Variants in LRRC8C observed in about 807,000 individuals in gnomAD.
LRRC8C encodes the protein volume-regulated anion channel subunit LRRC8C.
LRRC8C carries 20 observed loss-of-function variants against 55.3 expected under a neutral mutation model. The ratio of observed to expected loss-of-function variants is 0.36; its 90% CI spans 0.25 to 0.53. The LOEUF (loss-of-function observed/expected upper bound fraction) is 0.53. Among genes scored for constraint, LRRC8C ranks in the 20% least tolerant of loss-of-function variants. The probability of loss-of-function intolerance (pLI) is 0.92; values close to 1 mark genes in which losing one functional copy is unlikely to be tolerated. For synonymous variants in LRRC8C, 376 were observed against 360.7 expected, an observed-to-expected ratio of 1.04 and a Z score of -0.48; for missense variants, 659 against 951.4, an observed-to-expected ratio of 0.69 and a Z score of 4.04.
At chr1:89,691,743 C>T (rs1047150156) in intron 2 of LRRC8C, among the ~76,000 whole-genome samples, 6 of 152,078 alleles carry the variant, frequency 3.9e-5, no homozygotes, top group African/African-American at 1.4e-4. Context: ...GTCTGTCACC[C>T]CTGTGCACAC....
intron 1 of LRRC8C, among the ~76,000 whole-genome samples, chr1:89,656,148 T>C (rs1003116425): frequency 2.0e-5 from 3 of 152,224 alleles, no homozygotes; most frequent in African/African-American, 4.8e-5. Flanking sequence ...TCCTGAAGAT[T>C]GTATAACTCA....
intron 1 of LRRC8C, among the ~76,000 whole-genome samples, chr1:89,658,764 C>T (rs12091667): frequency 1.3e-5 from 2 of 152,100 alleles, no homozygotes; most frequent in Non-Finnish European, 2.9e-5. Context: ...AGGCACATTT[C>T]TGACAGGGAA....
At chr1:89,662,378 T>G (rs562814146) in intron 1 of LRRC8C, among the ~76,000 whole-genome samples, 1 of 152,130 alleles carries the variant, frequency 6.6e-6, no homozygotes, top group Admixed American at 6.5e-5. Flanking sequence ...TTTAGGACTT[T>G]TGTAAAGATT....
intron 1 of LRRC8C, among the ~76,000 whole-genome samples, chr1:89,664,505 G>T (rs997844350): frequency 6.6e-6 from 1 of 152,020 alleles, no homozygotes; most frequent in South Asian, 2.1e-4. Context: ...GTCTATATTT[G>T]TGTTTTGGTA....
chr1:89,680,425 T>G (rs1181126914), intron 1 of LRRC8C, among the ~76,000 whole-genome samples: 3 of 151,922 alleles, frequency 2.0e-5, no homozygotes, highest in Non-Finnish European at 4.4e-5. Context: ...AGAAGTAAAG[T>G]TATGTGGAAT....
At chr1:89,695,363 C>G (rs1658146077) in intron 2 of LRRC8C, among the ~76,000 whole-genome samples, 1 of 152,206 alleles carries the variant, frequency 6.6e-6, no homozygotes, top group Non-Finnish European at 1.5e-5. Context: ...CATCTCCCTA[C>G]TCAAGTTATT....
chr1:89,649,942 T>C (rs1015216909), intron 1 of LRRC8C, among the ~76,000 whole-genome samples: 3 of 152,218 alleles, frequency 2.0e-5, no homozygotes, highest in Non-Finnish European at 4.4e-5. Context: ...GACAAACTTT[T>C]GTGACCCCTT....
intron 1 of LRRC8C, chr1:89,668,034 GA>G (rs1156332821): frequency 1.3e-5 from 2 of 152,548 alleles, no homozygotes; most frequent in East Asian, 3.8e-4. Flanking sequence ...TCAGGGAAAG[GA>G]AATGATAAAT....
chr1:89,684,900 A>G (rs1371713261), intron 1 of LRRC8C, among the ~76,000 whole-genome samples: 1 of 152,168 alleles, frequency 6.6e-6, no homozygotes, highest in Admixed American at 6.5e-5. Context: ...ATAGATGTCA[A>G]GTAGGTAGGT....
intron 1 of LRRC8C, among the ~76,000 whole-genome samples, chr1:89,636,680 G>C (rs1292777300): frequency 6.6e-6 from 1 of 151,974 alleles, no homozygotes; most frequent in African/African-American, 2.4e-5. Context: ...ACAAGGCTCA[G>C]CATAAAAGCT....
At position 89,673,690 on chromosome 1, in the gene LRRC8C, C is replaced by T. The variant is rs115605763; in HGVS notation, c.-4-12780C>T. On this transcript the variant is annotated intron_variant, in intron 1 of 2. Transcript: ENST00000370454. ...CCAATAAATATATATTGAGCACCTACTATATGCCAAATACTGTGAAGTGTT... is the reference window on the plus strand; with the variant it reads ...CCAATAAATATATATTGAGCACCTATTATATGCCAAATACTGTGAAGTGTT... Among the ~76,000 whole-genome samples the T allele has an allele frequency of 2.7e-3, 407 of 152,288 alleles. 2 individuals carry two copies. Among genetic ancestry groups the T allele is most frequent in the African/African-American group, 8.5e-3 (355 of 41,544 alleles).
rs1440208733 is a variant in LRRC8C at position 89,659,053 on chromosome 1, TTTTTTTTTTGTG to T, written c.-5+25733_-5+25744del. Among the ~76,000 whole-genome samples the T allele has an allele frequency of 7.4e-4, 44 of 59,368 alleles. 3 individuals carry two copies. The highest frequency in any genetic ancestry group is 7.2e-3 in the Middle Eastern group (1 of 138). The allele number at this position is 59,368 out of a possible 152,430, so 38.9% of individuals were successfully genotyped here. A position where few individuals can be genotyped will look rare whatever the true frequency, so the allele number is the denominator to read the frequency against. On this transcript the variant is annotated intron_variant, in intron 1 of 2. Transcript: ENST00000370454. ...TTAGGTTGTGTCTTCTCCAGGTTTT[TTTTTTTTTTGTG>T]TGTGTGTGTGTGTGTGTGTGTGTGT...
intron 1 of LRRC8C, among the ~76,000 whole-genome samples, chr1:89,667,768 A>G (rs920672709): frequency 3.3e-5 from 5 of 152,174 alleles, no homozygotes; most frequent in Non-Finnish European, 5.9e-5. Flanking sequence ...AGAGTGAGTT[A>G]GTTGGCAAAA....
At chr1:89,647,687 A>T (rs1212772434) in intron 1 of LRRC8C, among the ~76,000 whole-genome samples, 1 of 152,190 alleles carries the variant, frequency 6.6e-6, no homozygotes, top group Non-Finnish European at 1.5e-5. Flanking sequence ...ATTTTGAGTT[A>T]CCAGTTATCT....
At chr1:89,621,747 T>G in the LRRC8C span, among the ~76,000 whole-genome samples, 1 of 152,218 alleles carries the variant, frequency 6.6e-6, no homozygotes, top group African/African-American at 2.4e-5. Flanking sequence ...TTCCTCCCTC[T>G]TTGGATATAG....
At chr1:89,660,481 T>A (rs570937512) in intron 1 of LRRC8C, among the ~76,000 whole-genome samples, 1 of 152,300 alleles carries the variant, frequency 6.6e-6, no homozygotes, top group South Asian at 2.1e-4. Context: ...ATGATTCCAA[T>A]GTGCAGCCAA....
At chr1:89,652,440 G>A (rs574845175) in intron 1 of LRRC8C, among the ~76,000 whole-genome samples, 1 of 152,294 alleles carries the variant, frequency 6.6e-6, no homozygotes, top group East Asian at 1.9e-4. Flanking sequence ...TAATTTTGAA[G>A]CTTCAAGTAA....
At chr1:89,655,059 T>A in intron 1 of LRRC8C, among the ~76,000 whole-genome samples, 1 of 152,050 alleles carries the variant, frequency 6.6e-6, no homozygotes, top group Non-Finnish European at 1.5e-5. Context: ...TTGGGAAATT[T>A]TTCTTGCACT....
intron 2 of LRRC8C, among the ~76,000 whole-genome samples, chr1:89,710,804 TTTG>T (rs1658629214): frequency 1.3e-5 from 2 of 152,180 alleles, no homozygotes; most frequent in Non-Finnish European, 2.9e-5. Flanking sequence ...TGCAAAATAA[TTTG>T]TTAAGATAAA....
Sources: gnomAD v4.1 joint callset for allele counts (sites outside exome capture counted in the v4.1 genomes callset) on GRCh38, gnomAD v4.1.1 for gene constraint, MANE v1.5 for transcripts, NCBI Gene and HGNC (gene_info 2026-07-23, HGNC 2026-07-21) for gene names.